EDA: variants seen among roughly 807,000 people sequenced by gnomAD.
EDA encodes ectodysplasin-A.
Under a neutral mutation model 23.6 loss-of-function variants are expected in EDA, and 2 were observed. That is an observed-to-expected ratio of 0.08 (90% CI 0.03 to 0.27). EDA has a LOEUF of 0.27. EDA is among the 10% of genes least tolerant of loss of function. The probability of loss-of-function intolerance (pLI) is 1.00; values close to 1 mark genes in which losing one functional copy is unlikely to be tolerated. For missense variants in EDA, 229 were observed against 324.2 expected (o/e 0.71, Z 2.26); for synonymous variants, 131 against 132.0 (o/e 0.99, Z 0.05).
chrX:69,786,078 C>T lies in EDA; in HGVS notation c.396+169374C>T, dbSNP rs756036287. Reference sequence around the variant, plus strand: ...TCTTCTAGATTTTCTAGTTTATTTGCGTAGAGGTGTTTATAGTATTCTCTG... The same window carrying T: ...TCTTCTAGATTTTCTAGTTTATTTGTGTAGAGGTGTTTATAGTATTCTCTG... On this transcript the variant is annotated intron_variant, in intron 1 of 7. Transcript: ENST00000374552. Among the ~76,000 whole-genome samples, 54 of 108,427 alleles carry T rather than the reference C, an allele frequency of 5.0e-4. 1 individual carries two copies. The East Asian group carries it at 0.01, about 21-fold the overall frequency. 94.2% of individuals were successfully genotyped at this position (108,427 alleles called of 115,157 possible). A position where few individuals can be genotyped will look rare whatever the true frequency, so the allele number is the denominator to read the frequency against.
At chrX:69,731,283 A>C (rs1183537034) in intron 1 of EDA, among the ~76,000 whole-genome samples, 2 of 111,292 alleles carry the variant, frequency 1.8e-5, no homozygotes, top group African/African-American at 6.5e-5. Context: ...TATCAATTAC[A>C]TTGATATTTT....
chrX:69,905,001 A>G (rs1007015289), intron 1 of EDA, among the ~76,000 whole-genome samples: 9 of 112,317 alleles, frequency 8.0e-5, no homozygotes, highest in Non-Finnish European at 1.5e-4. Context: ...GAGAGCAGAT[A>G]TTTCTTCAAT....
At chrX:69,923,533 T>TA (rs1164575643) in intron 1 of EDA, among the ~76,000 whole-genome samples, 1 of 112,122 alleles carries the variant, frequency 8.9e-6, no homozygotes, top group Non-Finnish European at 1.9e-5. Flanking sequence ...TTATCCACTC[T>TA]ATCATTGATA....
At chrX:69,744,836 G>A (rs1373266707) in intron 1 of EDA, among the ~76,000 whole-genome samples, 1 of 111,585 alleles carries the variant, frequency 9.0e-6, no homozygotes, top group Non-Finnish European at 1.9e-5. Context: ...TTCAGAAGAC[G>A]AAGTTGAAAC....
At chrX:69,960,843 T>C (rs1414288763) in intron 2 of EDA, among the ~76,000 whole-genome samples, 1 of 94,162 alleles carries the variant, frequency 1.1e-5, no homozygotes, top group Non-Finnish European at 2.1e-5. Flanking sequence ...AAACCCCGTC[T>C]CTACCAAAAA....
chrX:69,858,353 G>C (rs2017303902), intron 1 of EDA, among the ~76,000 whole-genome samples: 1 of 111,941 alleles, frequency 8.9e-6, no homozygotes, highest in Non-Finnish European at 1.9e-5. Flanking sequence ...AAGTATATTG[G>C]CTGTGGGTTT....
At chrX:69,622,941 T>G (rs2147206973) in intron 1 of EDA, among the ~76,000 whole-genome samples, 1 of 112,015 alleles carries the variant, frequency 8.9e-6, no homozygotes, top group East Asian at 2.8e-4. Flanking sequence ...TACCATTAAT[T>G]ATAAGGACTG....
At chrX:69,661,298 CCTCTTCACT>C (rs201321104) in intron 1 of EDA, among the ~76,000 whole-genome samples, 33 of 95,234 alleles carry the variant, frequency 3.5e-4, no homozygotes, top group Non-Finnish European at 5.3e-4. Flanking sequence ...CTGTAGGTTG[CCTCTTCACT>C]CTGATGGTAG....
intron 1 of EDA, among the ~76,000 whole-genome samples, chrX:69,675,587 AT>A (rs66910898): frequency 0.08 from 8,754 of 109,183 alleles, 971 homozygotes; most frequent in East Asian, 0.7. Context: ...TTTTTTTCAA[AT>A]TTTTTTTCTT....
Position 69,957,318 on chromosome X carries a change from C to G in EDA, c.502+186C>G, listed in dbSNP as rs1038852428. ...ACCAGCCTGGCCAACATGGTGAAAC[C>G]CTGTCTCTACTAAAAATACAAAAAA... On this transcript the variant is annotated intron_variant, in intron 2 of 7. Coordinates refer to ENST00000374552, the MANE Select transcript of EDA (RefSeq NM_001399.5). The G allele has an allele frequency of 3.6e-5, 15 of 411,824 alleles. No individual in the cohort carries two copies. In the Admixed American group the frequency reaches 6.3e-4, roughly 17 times the overall value. 33.9% of individuals were successfully genotyped at this position (411,824 alleles called of 1,213,427 possible).
intron 1 of EDA, among the ~76,000 whole-genome samples, chrX:69,860,002 A>G (rs1474458928): frequency 1.0e-5 from 1 of 96,012 alleles, no homozygotes; most frequent in African/African-American, 3.9e-5. Context: ...TTTTTTTTTT[A>G]TCTTTGCTGG....
chrX:69,873,113 A>G (rs2017591563), intron 1 of EDA, among the ~76,000 whole-genome samples: 1 of 112,095 alleles, frequency 8.9e-6, no homozygotes, highest in African/African-American at 3.2e-5. Flanking sequence ...CCATGCAAAT[A>G]CATGGAAATT....
chrX:69,954,722 A>G (rs915432667), intron 1 of EDA, among the ~76,000 whole-genome samples: 1 of 111,862 alleles, frequency 8.9e-6, no homozygotes, highest in African/African-American at 3.2e-5. Context: ...TGTTACATAC[A>G]TAACTGTGTA....
chrX:69,876,298 T>C (rs2017644092), intron 1 of EDA, among the ~76,000 whole-genome samples: 1 of 110,732 alleles, frequency 9.0e-6, no homozygotes, highest in African/African-American at 3.3e-5. Flanking sequence ...TGGTGAGGTA[T>C]AAAGGATTAC....
intron 1 of EDA, among the ~76,000 whole-genome samples, chrX:69,720,873 C>T (rs1042272151): frequency 1.3e-4 from 15 of 111,601 alleles, no homozygotes; most frequent in Non-Finnish European, 1.9e-5. Flanking sequence ...AGTTGATTGT[C>T]TTTTCTTCTT....
chrX:69,695,278 C>A (rs2011294867), intron 1 of EDA, among the ~76,000 whole-genome samples: 2 of 107,014 alleles, frequency 1.9e-5, no homozygotes, highest in Non-Finnish European at 3.8e-5. Flanking sequence ...TGAGATCGCA[C>A]CACTGTAGAG....
chrX:69,930,780 A>G (rs934808986), intron 1 of EDA, among the ~76,000 whole-genome samples: 18 of 111,428 alleles, frequency 1.6e-4, no homozygotes, highest in African/African-American at 4.9e-4. Flanking sequence ...GTTGTAAGAA[A>G]TCCACAAAAC....
intron 1 of EDA, among the ~76,000 whole-genome samples, chrX:69,796,299 A>G (rs1350010686): frequency 6.4e-5 from 1 of 15,655 alleles, no homozygotes; most frequent in African/African-American, 2.8e-4. Flanking sequence ...CACTGGAGCC[A>G]ATGTATGCCA....
Position 69,660,665 on chromosome X carries a change from A to C in EDA, c.396+43961A>C, listed in dbSNP as rs1933463285. On this transcript the variant is annotated intron_variant, in intron 1 of 7. Coordinates refer to ENST00000374552, the MANE Select transcript of EDA (RefSeq NM_001399.5). ...CTTCATCCATGTCCCTACAAAGGGC[A>C]GGAACTCATCCTTTTTTATGGCTGC... Among the ~76,000 whole-genome samples the C allele has an allele frequency of 2.7e-5, 3 of 111,551 alleles. No individual in the cohort carries two copies. In the South Asian group the frequency reaches 1.1e-3, roughly 42 times the overall value.
Sources: allele counts gnomAD v4.1 joint callset (sites outside exome capture counted in the v4.1 genomes callset), GRCh38; gene constraint gnomAD v4.1.1; transcripts MANE v1.5; gene names NCBI Gene and HGNC (gene_info 2026-07-23, HGNC 2026-07-21).